Variants in CACHD1 observed in about 807,000 individuals in gnomAD.
The protein encoded by CACHD1 is VWFA and cache domain-containing protein 1.
CACHD1 carries 71 observed loss-of-function variants against 138.7 expected under a neutral mutation model. The ratio of observed to expected loss-of-function variants is 0.51; its 90% CI spans 0.42 to 0.62. The LOEUF (loss-of-function observed/expected upper bound fraction) is 0.62, where lower values mean the gene tolerates loss of function less well. CACHD1 is among the 20% of genes least tolerant of loss of function. The pLI is 0.00. For missense variants in CACHD1, 1,389 were observed against 1,625.3 expected, an observed-to-expected ratio of 0.85 and a Z score of 2.50; for synonymous variants, 578 against 591.5, an observed-to-expected ratio of 0.98 and a Z score of 0.33.
At chr1:64,684,449 C>A (rs1229798186) in intron 26 of CACHD1, among the ~76,000 whole-genome samples, 1 of 121,470 alleles carries the variant, frequency 8.2e-6, no homozygotes, top group African/African-American at 3.2e-5. Context: ...AATTTTTAAA[C>A]TAGAAAAAAG....
At chr1:64,475,167 C>T (rs1365598656) in intron 1 of CACHD1, among the ~76,000 whole-genome samples, 1 of 137,516 alleles carries the variant, frequency 7.3e-6, no homozygotes, top group Non-Finnish European at 1.6e-5. Context: ...CACTAAATTC[C>T]TTCCTTTTTT....
chr1:64,639,249 A>G (rs949681649), intron 7 of CACHD1, among the ~76,000 whole-genome samples: 2 of 152,228 alleles, frequency 1.3e-5, no homozygotes, highest in Non-Finnish European at 2.9e-5. Flanking sequence ...CTATGTATAT[A>G]TGTTCCCTCC....
At chr1:64,473,434 G>A (rs1245009927) in intron 1 of CACHD1, among the ~76,000 whole-genome samples, 1 of 152,134 alleles carries the variant, frequency 6.6e-6, no homozygotes, top group Non-Finnish European at 1.5e-5. Flanking sequence ...GAAATTATGT[G>A]GGTTTAGTTA....
rs538368304 is a variant in CACHD1 at position 64,643,602 on chromosome 1, C to T, written c.1156+1633C>T. Among the ~76,000 whole-genome samples the T allele has an allele frequency of 1.2e-4, 18 of 152,208 alleles. No homozygotes were observed. In the East Asian group the frequency reaches 1.4e-3, roughly 11 times the overall value. On this transcript the variant is annotated intron_variant, in intron 8 of 26. Transcript: ENST00000651257. ...CTGTAATCCCAGCACTTTGGGAGGC[C>T]AAGGCGGGCGGATCACGAGGTCAGG...
At chr1:64,596,260 C>G (rs1647150598) in intron 3 of CACHD1, among the ~76,000 whole-genome samples, 1 of 152,124 alleles carries the variant, frequency 6.6e-6, no homozygotes, top group African/African-American at 2.4e-5. Flanking sequence ...CTTTGTTTAA[C>G]TTTATTCTCA....
chr1:64,485,604 A>G (rs1235233829), intron 1 of CACHD1, among the ~76,000 whole-genome samples: 1 of 152,016 alleles, frequency 6.6e-6, no homozygotes, highest in Non-Finnish European at 1.5e-5. Flanking sequence ...GTTTTGAGAC[A>G]GGGTCTTGCT....
At chr1:64,494,884 G>A (rs1480236478) in intron 1 of CACHD1, among the ~76,000 whole-genome samples, 2 of 152,202 alleles carry the variant, frequency 1.3e-5, no homozygotes, top group African/African-American at 4.8e-5. Context: ...AGTGGTAGAT[G>A]TGGGGTTGAA....
At chr1:64,557,940 A>G (rs1646811003) in intron 2 of CACHD1, among the ~76,000 whole-genome samples, 1 of 152,142 alleles carries the variant, frequency 6.6e-6, no homozygotes, top group African/African-American at 2.4e-5. Flanking sequence ...CTGGGATTAC[A>G]GGCATGTGCC....
chr1:64,519,563 A>G (rs189832676), intron 1 of CACHD1, among the ~76,000 whole-genome samples: 1 of 152,254 alleles, frequency 6.6e-6, no homozygotes, highest in East Asian at 1.9e-4. Context: ...CCTTCCAGCA[A>G]AAAAAATAAA....
At chr1:64,526,682 GATTT>G (rs1015060889) in intron 1 of CACHD1, among the ~76,000 whole-genome samples, 1 of 152,220 alleles carries the variant, frequency 6.6e-6, no homozygotes, top group African/African-American at 2.4e-5. Flanking sequence ...AAACTCTGCA[GATTT>G]ATTTATTTTT....
chr1:64,604,971 GTT>G (rs528557112), intron 4 of CACHD1, among the ~76,000 whole-genome samples: 1 of 122,962 alleles, frequency 8.1e-6, no homozygotes, highest in African/African-American at 2.9e-5. Context: ...TTTTTTCTTT[GTT>G]TTTTTTTTTT....
At chr1:64,672,216 T>C (rs1205387485) in intron 17 of CACHD1, among the ~76,000 whole-genome samples, 2 of 152,212 alleles carry the variant, frequency 1.3e-5, no homozygotes. Flanking sequence ...GCTTTCTTAG[T>C]TCCACCTCAT....
At chr1:64,651,009 T>G (rs912280143) in intron 9 of CACHD1, among the ~76,000 whole-genome samples, 1 of 151,994 alleles carries the variant, frequency 6.6e-6, no homozygotes, top group African/African-American at 2.4e-5. Context: ...ACCAGGTGTC[T>G]CGATCTCGGG....
At chr1:64,539,485 C>T (rs1386241529) in intron 1 of CACHD1, among the ~76,000 whole-genome samples, 1 of 152,154 alleles carries the variant, frequency 6.6e-6, no homozygotes, top group Non-Finnish European at 1.5e-5. Flanking sequence ...CTTTCTGTTA[C>T]CACATGTGAC....
chr1:64,574,774 G>T (rs1646954101), intron 2 of CACHD1, among the ~76,000 whole-genome samples: 1 of 152,100 alleles, frequency 6.6e-6, no homozygotes, highest in Non-Finnish European at 1.5e-5. Flanking sequence ...CAATTTAGAG[G>T]TAATTAAGTT....
chr1:64,680,127 T>C (rs903973134), intron 24 of CACHD1, among the ~76,000 whole-genome samples: 13 of 152,168 alleles, frequency 8.5e-5, no homozygotes, highest in African/African-American at 3.1e-4. Context: ...AAGAATATAA[T>C]CTGTTCGATT....
chr1:64,584,710 CT>C (rs1647037480), intron 3 of CACHD1, among the ~76,000 whole-genome samples: 1 of 152,122 alleles, frequency 6.6e-6, no homozygotes, highest in African/African-American at 2.4e-5. Context: ...TACACCTCAT[CT>C]TTTATTACCC....
chr1:64,518,836 G>A (rs997709509), intron 1 of CACHD1, among the ~76,000 whole-genome samples: 19 of 152,108 alleles, frequency 1.2e-4, no homozygotes, highest in African/African-American at 4.6e-4. Flanking sequence ...GCCTAGTGTG[G>A]GTATTTTCCT....
At chr1:64,581,905 A>G (rs1647015762) in intron 2 of CACHD1, among the ~76,000 whole-genome samples, 1 of 152,158 alleles carries the variant, frequency 6.6e-6, no homozygotes, top group South Asian at 2.1e-4. Flanking sequence ...GTATTGTTCT[A>G]TTTAACGTGC....
Sources: allele counts gnomAD v4.1 joint callset (sites outside exome capture counted in the v4.1 genomes callset), GRCh38; gene constraint gnomAD v4.1.1; transcripts MANE v1.5; gene names NCBI Gene and HGNC (gene_info 2026-07-23, HGNC 2026-07-21).